The following LYPD1 variants were observed in gnomAD, a reference collection of about 807,000 sequenced individuals.
LYPD1 encodes ly6/PLAUR domain-containing protein 1.
Under a neutral mutation model 14.2 loss-of-function variants are expected in LYPD1, and 14 were observed. The observed-to-expected ratio is 0.99, with a 90% CI of 0.65 to 1.54. The LOEUF (loss-of-function observed/expected upper bound fraction) is 1.54, where lower values mean the gene tolerates loss of function less well. Ranked by LOEUF, LYPD1 falls within the 40% of genes most tolerant of loss-of-function variation. The pLI, the probability that LYPD1 is intolerant of heterozygous loss-of-function variation, is 0.00. For synonymous variants in LYPD1, 85 were observed against 70.6 expected (o/e 1.20, Z -1.02); for missense variants, 165 against 175.7 (o/e 0.94, Z 0.34).
intron 2 of LYPD1, among the ~76,000 whole-genome samples, chr2:132,650,650 C>T (rs1682324829): frequency 1.3e-5 from 2 of 151,016 alleles, no homozygotes; most frequent in South Asian, 4.2e-4. Context: ...GAGTTAAAAA[C>T]AAAGCAAAGT....
In LYPD1 at chr2:132,644,934, T is replaced by C; in HGVS notation, c.*1111A>G. ...GAAACAGTGTTAAATTCTCTCTTGCTTGTGGCAAAAGAAGCTGTCAAGTCC... is the reference window on the plus strand; with the variant it reads ...GAAACAGTGTTAAATTCTCTCTTGCCTGTGGCAAAAGAAGCTGTCAAGTCC... On this transcript the variant is annotated 3_prime_UTR_variant, in exon 3 of 3. Coordinates refer to ENST00000397463, the MANE Select transcript of LYPD1 (RefSeq NM_144586.7). 1.4e-6 allele frequency: 1 copy of C among 713,090 alleles called. No individual in the cohort carries two copies. Among genetic ancestry groups the C allele is most frequent in the Non-Finnish European group, 2.3e-6 (1 of 441,440 alleles). 44.2% of individuals were successfully genotyped at this position (713,090 alleles called of 1,614,324 possible). A position where few individuals can be genotyped will look rare whatever the true frequency, so the allele number is the denominator to read the frequency against.
intron 2 of LYPD1, among the ~76,000 whole-genome samples, chr2:132,652,453 C>A (rs528860183): frequency 1.6e-4 from 25 of 152,312 alleles, no homozygotes; most frequent in Non-Finnish European, 3.2e-4. Flanking sequence ...CTACAATTCA[C>A]CTCCAGGCCT....
At position 132,645,009 on chromosome 2, in the gene LYPD1, G is replaced by T. The variant is rs1194750682; in HGVS notation, c.*1036C>A. On this transcript the variant is annotated 3_prime_UTR_variant, in exon 3 of 3. Coordinates refer to ENST00000397463, the MANE Select transcript of LYPD1 (RefSeq NM_144586.7). ...CCTGGCCAGTAAGCACAGAACAGAGGGGCTAAATATTTTATGGTTTTATTC... is the reference window on the plus strand; with the variant it reads ...CCTGGCCAGTAAGCACAGAACAGAGTGGCTAAATATTTTATGGTTTTATTC... 4.2e-6 allele frequency: 6 copies of T among 1,422,198 alleles called. No individual in the cohort carries two copies. The highest frequency in any genetic ancestry group is 2.3e-5 in the East Asian group (1 of 43,262). 88.1% of individuals were successfully genotyped at this position (1,422,198 alleles called of 1,614,324 possible).
intron 2 of LYPD1, among the ~76,000 whole-genome samples, chr2:132,653,472 G>C (rs1213320458): frequency 1.3e-5 from 2 of 152,206 alleles, no homozygotes; most frequent in Non-Finnish European, 1.5e-5. Context: ...GTGCAGAAGA[G>C]ACAAGTTTTT....
At chr2:132,650,262 A>G (rs767569702) in intron 2 of LYPD1, among the ~76,000 whole-genome samples, 2 of 152,218 alleles carry the variant, frequency 1.3e-5, no homozygotes, top group Non-Finnish European at 2.9e-5. Flanking sequence ...CTACACTGAG[A>G]TGCCATTATT....
chr2:132,670,015 G>T lies in LYPD1; in HGVS notation c.-83C>A. The T allele has an allele frequency of 6.3e-7, 1 of 1,577,338 alleles. No homozygotes were observed. The stretch of plus-strand genomic sequence containing the variant: ...GGAGGCTGCCCCGGCTGCAGCGGCT[G>T]TGGCTGCCGAGGCTGCTGGGGCCCG... On this transcript the variant is annotated 5_prime_UTR_variant, in exon 1 of 3. Coordinates refer to ENST00000397463, the MANE Select transcript of LYPD1 (RefSeq NM_144586.7). The surrounding 1 kb of genome is among the most constrained non-coding windows in gnomAD (Gnocchi z 4.5).
intron 2 of LYPD1, among the ~76,000 whole-genome samples, chr2:132,648,064 C>T (rs1017092546): frequency 1.3e-5 from 2 of 152,164 alleles, no homozygotes; most frequent in African/African-American, 4.8e-5. Flanking sequence ...CAGAGGATGC[C>T]TGTATCTATG....
intron 2 of LYPD1, among the ~76,000 whole-genome samples, chr2:132,666,343 G>T (rs1336777436): frequency 2.6e-5 from 4 of 152,174 alleles, no homozygotes; most frequent in African/African-American, 9.7e-5. Context: ...AGATCCGTTT[G>T]GCTTGTTTCT....
intron 2 of LYPD1, among the ~76,000 whole-genome samples, chr2:132,647,529 C>A (rs1050315139): frequency 6.6e-6 from 1 of 152,200 alleles, no homozygotes; most frequent in Non-Finnish European, 1.5e-5. Flanking sequence ...GATGGGGTTT[C>A]ACCGTGTTAG....
rs1398045997 is a variant in LYPD1, at chr2:132,660,047, T to G, written c.190+8353A>C. On this transcript the variant is annotated intron_variant, in intron 2 of 2. Transcript: ENST00000397463. ...CCCGTGTGCAGTATGCATGGACCAC[T>G]GCAGGCTGAGAGCCGCGTGCCTGGC... Among the ~76,000 whole-genome samples, 3 of 152,332 alleles carry G rather than the reference T, an allele frequency of 2.0e-5. No homozygotes were observed. In the East Asian group the frequency reaches 5.8e-4, roughly 29 times the overall value.
At chr2:132,648,398 G>C (rs60981588) in intron 2 of LYPD1, among the ~76,000 whole-genome samples, 7,897 of 152,324 alleles carry the variant, frequency 0.052, 653 homozygotes, top group African/African-American at 0.17. Context: ...GCTGTCATCA[G>C]TGTGGCATGC....
intron 2 of LYPD1, among the ~76,000 whole-genome samples, chr2:132,661,951 A>AC (rs1483358235): frequency 2.6e-5 from 4 of 151,894 alleles, no homozygotes; most frequent in East Asian, 3.9e-4. Context: ...GAAAAAAAAA[A>AC]AAAAACCTGG....
chr2:132,650,628 G>C (rs1361077398), intron 2 of LYPD1, among the ~76,000 whole-genome samples: 3 of 151,620 alleles, frequency 2.0e-5, no homozygotes, highest in Middle Eastern at 3.4e-3. Context: ...CAAAGCCATA[G>C]AAGATGATAC....
chr2:132,655,761 A>G (rs572092223), intron 2 of LYPD1, among the ~76,000 whole-genome samples: 133 of 151,900 alleles, frequency 8.8e-4, no homozygotes, highest in African/African-American at 3.1e-3. Flanking sequence ...TGATCCGCCC[A>G]CCTCAGCCTC....
chr2:132,648,603 T>A (rs578203160), intron 2 of LYPD1, among the ~76,000 whole-genome samples: 6 of 152,332 alleles, frequency 3.9e-5, no homozygotes, highest in Middle Eastern at 3.4e-3. Context: ...GTTAGTTGGA[T>A]AAATAGTGCA....
chr2:132,652,022 T>G (rs546216524), intron 2 of LYPD1, among the ~76,000 whole-genome samples: 1 of 152,300 alleles, frequency 6.6e-6, no homozygotes, highest in African/African-American at 2.4e-5. Flanking sequence ...GACATGGGCC[T>G]GGTTTCCCTG....
Position 132,644,240 on chromosome 2 carries a change from G to A in LYPD1, c.*1805C>T, listed in dbSNP as rs1349011246. Among the ~76,000 whole-genome samples, 1 of 152,206 alleles carries A rather than the reference G, an allele frequency of 6.6e-6. No individual in the cohort carries two copies. Among genetic ancestry groups the A allele is most frequent in the Admixed American group, 6.5e-5 (1 of 15,282 alleles). On this transcript the variant is annotated 3_prime_UTR_variant, in exon 3 of 3. Coordinates refer to ENST00000397463, the MANE Select transcript of LYPD1 (RefSeq NM_144586.7). ...AGTTGGAATACAAATATGTGGGCAT[G>A]CAAACAAATGTACATGCAGTAAACA...
At chr2:132,659,304 CAGTG>C (rs1682792997) in intron 2 of LYPD1, among the ~76,000 whole-genome samples, 3 of 151,972 alleles carry the variant, frequency 2.0e-5, no homozygotes, top group Admixed American at 2.0e-4. Flanking sequence ...GTCTCCATAC[CAGTG>C]AGTGTGTGTG....
chr2:132,647,477 C>A (rs977611147), intron 2 of LYPD1, among the ~76,000 whole-genome samples: 4 of 152,106 alleles, frequency 2.6e-5, no homozygotes, highest in African/African-American at 9.7e-5. Context: ...GTCGCCCAGG[C>A]GCCCGCCACC....
Sources: gnomAD v4.1 joint callset for allele counts (sites outside exome capture counted in the v4.1 genomes callset) on GRCh38, gnomAD v4.1.1 for gene constraint, Gnocchi (gnomAD v3.1) non-coding constraint, MANE v1.5 for transcripts, NCBI Gene and HGNC (gene_info 2026-07-23, HGNC 2026-07-21) for gene names.